The following COL5A2 variants were observed in gnomAD, a reference collection of about 807,000 sequenced individuals.
COL5A2 encodes collagen alpha-2(V) chain.
A neutral mutation model predicts 208.2 loss-of-function variants in COL5A2; 23 were observed. The ratio of observed to expected loss-of-function variants is 0.11; its 90% CI spans 0.08 to 0.16. The LOEUF (loss-of-function observed/expected upper bound fraction) is 0.16. Ranked by LOEUF, COL5A2 falls within the 10% of genes least tolerant of loss-of-function variation. COL5A2 has a pLI of 1.00. For synonymous variants in COL5A2, 625 were observed against 628.5 expected, an observed-to-expected ratio of 0.99 and a Z score of 0.08; for missense variants, 1,590 against 1,956.4, an observed-to-expected ratio of 0.81 and a Z score of 3.53.
At chr2:189,075,465 G>C in intron 16 of COL5A2, 28 bp from the exon 17 acceptor site, 1 of 1,576,336 alleles carries the variant, frequency 6.3e-7, no homozygotes, top group Non-Finnish European at 8.7e-7. Context: ...AGACAAGACA[G>C]GATAAGATTA....
intron 8 of COL5A2, among the ~76,000 whole-genome samples, chr2:189,087,690 A>G (rs967563622): frequency 6.8e-6 from 1 of 146,322 alleles, no homozygotes; most frequent in African/African-American, 2.5e-5. Context: ...AATGGTCTCA[A>G]TCTCCTGACC....
At chr2:189,439,380 C>T in the COL5A2 span, among the ~76,000 whole-genome samples, 788 of 152,274 alleles carry the variant, frequency 5.2e-3, 6 homozygotes, top group Non-Finnish European at 8.8e-3. Context: ...CTGGAAAATC[C>T]TTTTCCTTCT....
chr2:189,161,968 T>C (rs1688375141), intron 1 of COL5A2, among the ~76,000 whole-genome samples: 1 of 152,110 alleles, frequency 6.6e-6, no homozygotes. Context: ...ACTTGAAAGA[T>C]TTGGATGTGA....
At chr2:189,061,218 T>A (rs1160113901) in intron 30 of COL5A2, among the ~76,000 whole-genome samples, 1 of 152,170 alleles carries the variant, frequency 6.6e-6, no homozygotes, top group African/African-American at 2.4e-5. Flanking sequence ...CAATAAAAAA[T>A]TCTAGTCACT....
chr2:189,115,083 A>G (rs948378886), intron 1 of COL5A2, among the ~76,000 whole-genome samples: 3 of 152,168 alleles, frequency 2.0e-5, no homozygotes, highest in Non-Finnish European at 2.9e-5. Context: ...CAAATGTTCC[A>G]ATAAATTGAA....
rs566303099 is a variant in COL5A2, at chr2:189,151,275, T to C, written c.97+28233A>G. On this transcript the variant is annotated intron_variant, in intron 1 of 53. Transcript: ENST00000374866. ...CTTACCTGGATATACATCCAAAATG[T>C]ACCTTCTTTAAAGCAAACTAATTTC... Among the ~76,000 whole-genome samples the C allele has an allele frequency of 5.3e-5, 8 of 152,318 alleles. No homozygotes were observed. In the East Asian group the frequency reaches 9.6e-4, roughly 18 times the overall value.
chr2:189,137,802 G>T (rs1559120892), intron 1 of COL5A2, among the ~76,000 whole-genome samples: 2 of 152,160 alleles, frequency 1.3e-5, no homozygotes, highest in African/African-American at 4.8e-5. Context: ...TAAATGATGT[G>T]TGCCTAGGAT....
At chr2:189,197,820 C>T (rs1689024257) in intron 1 of COL5A2, among the ~76,000 whole-genome samples, 1 of 150,720 alleles carries the variant, frequency 6.6e-6, no homozygotes, top group African/African-American at 2.4e-5. Context: ...TTAATATTTT[C>T]CTCTTACGTG....
chr2:189,322,661 A>G, the COL5A2 span, among the ~76,000 whole-genome samples: 3 of 152,010 alleles, frequency 2.0e-5, no homozygotes, highest in Non-Finnish European at 4.4e-5. Context: ...CCAATAACAC[A>G]CTCTGAAATT....
At chr2:189,396,726 G>A in the COL5A2 span, among the ~76,000 whole-genome samples, 13 of 146,916 alleles carry the variant, frequency 8.8e-5, no homozygotes, top group Admixed American at 9.0e-4. Flanking sequence ...GCTTATGCCT[G>A]TAATCCCAGC....
chr2:189,057,355 C>T lies in COL5A2; in HGVS notation c.2302G>A (p.Gly768Arg), dbSNP rs766424155. Residue 768 changes from glycine to arginine, a missense_variant, in exon 34 of 54, where the codon GGA becomes AGA. Transcript: ENST00000374866. ...PGLQGMPGER[G>R]IAGTPGPKGD... The stretch of plus-strand genomic sequence containing the variant: ...TTGGGGCCAGGAGTTCCTGCAATTC[C>T]TCTTTCTCCCGGCATACCTTGAAGA... The T allele has an allele frequency of 7.4e-6, 12 of 1,610,912 alleles. No homozygotes were observed. The highest frequency in any genetic ancestry group is 7.6e-6 in the Non-Finnish European group (9 of 1,178,454).
intron 1 of COL5A2, among the ~76,000 whole-genome samples, chr2:189,211,238 A>T (rs1483122384): frequency 6.6e-6 from 1 of 152,168 alleles, no homozygotes; most frequent in African/African-American, 2.4e-5. Context: ...AAATTAAGAA[A>T]TCCTGATGCT....
At chr2:189,402,441 G>T in the COL5A2 span, among the ~76,000 whole-genome samples, 3 of 152,130 alleles carry the variant, frequency 2.0e-5, no homozygotes, top group Non-Finnish European at 4.4e-5. Context: ...GGATGGTCTC[G>T]ATCTCCTGAC....
chr2:189,122,923 G>T (rs1446595804), intron 1 of COL5A2, among the ~76,000 whole-genome samples: 1 of 152,010 alleles, frequency 6.6e-6, no homozygotes, highest in Non-Finnish European at 1.5e-5. Context: ...ACACTAGGTA[G>T]AAAATACGAA....
At chr2:189,264,456 T>G in the COL5A2 span, among the ~76,000 whole-genome samples, 1 of 152,160 alleles carries the variant, frequency 6.6e-6, no homozygotes, top group Non-Finnish European at 1.5e-5. Context: ...TTCTAAAGCA[T>G]GTATACTGTT....
the COL5A2 span, among the ~76,000 whole-genome samples, chr2:189,279,656 T>G: frequency 6.6e-6 from 1 of 152,080 alleles, no homozygotes; most frequent in Non-Finnish European, 1.5e-5. Flanking sequence ...GCTAGAGTAT[T>G]ATAAGATAGT....
At chr2:189,409,204 C>CT in the COL5A2 span, among the ~76,000 whole-genome samples, 44,453 of 91,862 alleles carry the variant, frequency 0.48, 11,326 homozygotes, top group East Asian at 0.71. Context: ...TAAATTTACT[C>CT]TTTTTTTTTT....
chr2:189,098,654 T>C, intron 5 of COL5A2, 73 bp downstream of exon 5: 1 of 1,139,188 alleles, frequency 8.8e-7, no homozygotes, highest in Non-Finnish European at 1.3e-6. Flanking sequence ...TTCTCATGGA[T>C]ATAATATCTG....
chr2:189,139,660 T>G (rs1687898054), intron 1 of COL5A2, among the ~76,000 whole-genome samples: 1 of 152,208 alleles, frequency 6.6e-6, no homozygotes, highest in Non-Finnish European at 1.5e-5. Context: ...TTATTCGTTG[T>G]GAATGTAAGA....
Sources: allele counts gnomAD v4.1 joint callset (sites outside exome capture counted in the v4.1 genomes callset), GRCh38; gene constraint gnomAD v4.1.1; transcripts MANE v1.5; gene names NCBI Gene and HGNC (gene_info 2026-07-23, HGNC 2026-07-21).